Variants in BRSK2 observed in about 807,000 individuals in gnomAD.
BRSK2 encodes the protein serine/threonine-protein kinase BRSK2.
Under a neutral mutation model 83.3 loss-of-function variants are expected in BRSK2, and 19 were observed. The observed-to-expected ratio is 0.23, with a 90% CI of 0.16 to 0.33. BRSK2 has a LOEUF of 0.33. BRSK2 is among the 10% of genes least tolerant of loss of function. The pLI, the probability that BRSK2 is intolerant of heterozygous loss-of-function variation, is 1.00. For synonymous variants in BRSK2, 519 were observed against 435.4 expected (o/e 1.19, Z -2.39); for missense variants, 798 against 1,042.3 (o/e 0.77, Z 3.23).
chr11:1,446,071 GGCTGGGCTGGGCTGGGCTT>G (rs1852030762), intron 12 of BRSK2, among the ~76,000 whole-genome samples, 164 bp downstream of exon 12: 1 of 144,082 alleles, frequency 6.9e-6, no homozygotes, highest in African/African-American at 2.7e-5. Context: ...GGCTGGGCTT[GGCTGGGCTGGGCTGGGCTT>G]AGCTGGGCTG....
At chr11:1,421,364 G>A (rs1246797047) in intron 1 of BRSK2, among the ~76,000 whole-genome samples, 4 of 152,136 alleles carry the variant, frequency 2.6e-5, no homozygotes, top group African/African-American at 9.7e-5. Flanking sequence ...AAGGGACCTG[G>A]ATCCTGGAAC....
intron 12 of BRSK2, among the ~76,000 whole-genome samples, chr11:1,447,633 C>T (rs1020393658): frequency 1.3e-5 from 2 of 152,150 alleles, no homozygotes; most frequent in East Asian, 1.9e-4. Context: ...AGCAGTCACA[C>T]GGTGCGGGGT....
At chr11:1,391,006 A>T (rs1158576473) in intron 1 of BRSK2, among the ~76,000 whole-genome samples, 1 of 152,050 alleles carries the variant, frequency 6.6e-6, no homozygotes, top group African/African-American at 2.4e-5. Context: ...CTGGGACCAG[A>T]AGTGCGTGGG....
intron 13 of BRSK2, 102 bp downstream of exon 13, chr11:1,449,938 C>A: frequency 1.3e-6 from 1 of 798,688 alleles, no homozygotes; most frequent in Non-Finnish European, 2.1e-6. Context: ...CCCTGGGAAG[C>A]AGCCCCAGGC....
At chr11:1,412,562 T>A (rs146187873) in intron 1 of BRSK2, among the ~76,000 whole-genome samples, 2,142 of 149,348 alleles carry the variant, frequency 0.014, 57 homozygotes, top group Non-Finnish European at 0.02. Context: ...TCTGAGCTGT[T>A]TGGTAGGCGG....
chr11:1,399,188 G>GC (rs200503425), intron 1 of BRSK2, among the ~76,000 whole-genome samples: 6,377 of 152,156 alleles, frequency 0.042, 154 homozygotes, highest in Middle Eastern at 0.12. Flanking sequence ...TTGTGGGCAG[G>GC]CCCCCCAGGG....
chr11:1,420,153 C>T (rs552061504), intron 1 of BRSK2, among the ~76,000 whole-genome samples: 36 of 152,318 alleles, frequency 2.4e-4, no homozygotes, highest in African/African-American at 7.5e-4. Context: ...TGCAAGTGTG[C>T]GTGCGTGCAT....
chr11:1,392,047 T>C (rs572333079), intron 1 of BRSK2, among the ~76,000 whole-genome samples: 1 of 152,240 alleles, frequency 6.6e-6, no homozygotes, highest in East Asian at 1.9e-4. Context: ...GCGGCCCCTC[T>C]CTCCCGAGTT....
Position 1,390,824 on chromosome 11 carries a change from C to T in BRSK2, c.91+449C>T, listed in dbSNP as rs1187546474. Among the ~76,000 whole-genome samples the T allele has an allele frequency of 6.6e-6, 1 of 152,132 alleles. No homozygotes were observed. Among genetic ancestry groups the T allele is most frequent in the Non-Finnish European group, 1.5e-5 (1 of 68,004 alleles). On this transcript the variant is annotated intron_variant, in intron 1 of 19. Transcript: ENST00000528841. This position sits in a 1 kb window ranked among gnomAD's most constrained non-coding sequence, Gnocchi z 6.8. Reference sequence around the variant, plus strand: ...GCCCCCGGCGGGACTCCCACCTCCGCGCGCCGGCCACCGGGGCCTCCGGGC... The same window carrying T: ...GCCCCCGGCGGGACTCCCACCTCCGTGCGCCGGCCACCGGGGCCTCCGGGC...
intron 15 of BRSK2, among the ~76,000 whole-genome samples, chr11:1,452,702 A>G (rs1280848290): frequency 1.3e-5 from 2 of 151,178 alleles, no homozygotes; most frequent in Admixed American, 1.3e-4. Flanking sequence ...GATGCCTGCG[A>G]CAGCCGTTCC....
chr11:1,392,687 C>A (rs1425040972), intron 1 of BRSK2, among the ~76,000 whole-genome samples: 3 of 152,094 alleles, frequency 2.0e-5, no homozygotes, highest in African/African-American at 7.2e-5. Flanking sequence ...CCACGCAGCA[C>A]CCCCACCGGG....
In BRSK2 at chr11:1,421,111, C is replaced by T. The variant is rs147967856; in HGVS notation, c.92-14929C>T. Among the ~76,000 whole-genome samples the T allele has an allele frequency of 3.7e-3, 565 of 152,278 alleles. 5 individuals carry two copies. Among genetic ancestry groups the T allele is most frequent in the African/African-American group, 0.012 (514 of 41,558 alleles). ...GCCTGTGGGCTCCTGGCTTGGCTGA[C>T]CCTGGGCCTCCTCCTGGTACAGTCC... is the stretch of plus-strand genomic sequence containing the variant. On this transcript the variant is annotated intron_variant, in intron 1 of 19. Transcript: ENST00000528841.
At chr11:1,424,335 C>T (rs1287418309) in intron 1 of BRSK2, among the ~76,000 whole-genome samples, 1 of 152,174 alleles carries the variant, frequency 6.6e-6, no homozygotes, top group Non-Finnish European at 1.5e-5. Context: ...TGCCCCAGCA[C>T]TGGGTGGGTC....
intron 16 of BRSK2, among the ~76,000 whole-genome samples, chr11:1,455,085 G>A (rs978966999): frequency 6.6e-6 from 1 of 152,146 alleles, no homozygotes; most frequent in African/African-American, 2.4e-5. Context: ...CTCGGAGGCC[G>A]GGTGGCTCTC....
chr11:1,460,750 G>C lies in BRSK2; in HGVS notation c.*27G>C. Reference sequence around the variant, plus strand: ...CACACTAGCCCCCCCCCCCAGCACAGCACTGACAGCGGCTGCCTCGCCGCC... The same window carrying C: ...CACACTAGCCCCCCCCCCCAGCACACCACTGACAGCGGCTGCCTCGCCGCC... On this transcript the variant is annotated 3_prime_UTR_variant, in exon 20 of 20. Transcript: ENST00000528841. 7.5e-7 allele frequency: 1 copy of C among 1,341,552 alleles called. No homozygotes were observed. Among genetic ancestry groups the C allele is most frequent in the Non-Finnish European group, 9.6e-7 (1 of 1,037,580 alleles). 83.1% of individuals were successfully genotyped at this position (1,341,552 alleles called of 1,614,324 possible).
At chr11:1,419,246 G>C (rs1590401648) in intron 1 of BRSK2, among the ~76,000 whole-genome samples, 1 of 152,040 alleles carries the variant, frequency 6.6e-6, no homozygotes, top group East Asian at 1.9e-4. Flanking sequence ...GCTCAGCTGT[G>C]TTTGTGGGCT....
At chr11:1,451,191 G>A (rs907430847) in intron 14 of BRSK2, among the ~76,000 whole-genome samples, 180 bp from the exon 15 acceptor site, 46 of 152,118 alleles carry the variant, frequency 3.0e-4, no homozygotes, top group African/African-American at 5.1e-4. Flanking sequence ...CCTGGGGGGC[G>A]CCACTGCCAG....
chr11:1,398,848 G>T (rs969630516), intron 1 of BRSK2, among the ~76,000 whole-genome samples: 1 of 152,138 alleles, frequency 6.6e-6, no homozygotes, highest in Non-Finnish European at 1.5e-5. Flanking sequence ...CTTGGTAGGC[G>T]CCAGGAGATG....
intron 1 of BRSK2, among the ~76,000 whole-genome samples, chr11:1,402,786 G>A (rs1287774575): frequency 2.0e-5 from 3 of 152,182 alleles, no homozygotes; most frequent in Admixed American, 2.0e-4. Context: ...AGTGGGGGCA[G>A]CTGACACACG....
Sources: allele counts gnomAD v4.1 joint callset (sites outside exome capture counted in the v4.1 genomes callset), GRCh38; gene constraint gnomAD v4.1.1; non-coding constraint Gnocchi (gnomAD v3.1); transcripts MANE v1.5; gene names NCBI Gene and HGNC (gene_info 2026-07-23, HGNC 2026-07-21).